GLCE: variants seen among roughly 807,000 people sequenced by gnomAD.
The protein encoded by GLCE is D-glucuronyl C5-epimerase.
In GLCE, 19 loss-of-function variants were observed where a neutral mutation model predicts 47.9. The observed-to-expected ratio is 0.40, with a 90% CI of 0.28 to 0.58. GLCE has a LOEUF of 0.58. GLCE is among the 20% of genes least tolerant of loss of function. The pLI is 0.48. For synonymous variants in GLCE, 245 were observed against 263.4 expected (o/e 0.93, Z 0.68); for missense variants, 556 against 743.3 (o/e 0.75, Z 2.93).
chr15:69,177,310 G>T (rs972013716), intron 1 of GLCE, among the ~76,000 whole-genome samples: 2 of 152,102 alleles, frequency 1.3e-5, no homozygotes, highest in Non-Finnish European at 2.9e-5. Flanking sequence ...TGATCCATCT[G>T]CCTTGGTCTC....
chr15:69,189,328 T>C (rs1049590061), intron 1 of GLCE, among the ~76,000 whole-genome samples: 2 of 152,196 alleles, frequency 1.3e-5, no homozygotes, highest in Non-Finnish European at 2.9e-5. Context: ...CGTAGTAATA[T>C]ATACGTTTAA....
intron 1 of GLCE, among the ~76,000 whole-genome samples, chr15:69,201,112 C>CA: frequency 6.6e-6 from 1 of 152,244 alleles, no homozygotes; most frequent in Middle Eastern, 3.4e-3. Flanking sequence ...TTCTGTCTTC[C>CA]TCTTCCACTT....
At chr15:69,178,268 G>A (rs1024477474) in intron 1 of GLCE, among the ~76,000 whole-genome samples, 1 of 152,090 alleles carries the variant, frequency 6.6e-6, no homozygotes, top group Non-Finnish European at 1.5e-5. Flanking sequence ...GACAAAACCA[G>A]GTAGCTAATA....
At chr15:69,206,894 C>A (rs1278216397) in intron 1 of GLCE, among the ~76,000 whole-genome samples, 1 of 151,948 alleles carries the variant, frequency 6.6e-6, no homozygotes, top group African/African-American at 2.4e-5. Flanking sequence ...GTATATTAAT[C>A]ATGTATTTAT....
At chr15:69,267,443 G>A (rs1424812327) in intron 4 of GLCE, among the ~76,000 whole-genome samples, 1 of 152,206 alleles carries the variant, frequency 6.6e-6, no homozygotes, top group East Asian at 1.9e-4. Flanking sequence ...TCCAAAGCCT[G>A]AGCTTTACCC....
At chr15:69,167,823 GT>G (rs79073362) in intron 1 of GLCE, among the ~76,000 whole-genome samples, 2,834 of 135,540 alleles carry the variant, frequency 0.021, 25 homozygotes, top group African/African-American at 0.038. Flanking sequence ...CTTGGGAAAA[GT>G]TTTTTTTTTT....
chr15:69,209,205 A>G (rs1437442857), intron 1 of GLCE, among the ~76,000 whole-genome samples: 1 of 152,038 alleles, frequency 6.6e-6, no homozygotes, highest in Non-Finnish European at 1.5e-5. Context: ...GCATTCTGTA[A>G]TAATGGCTCT....
intron 1 of GLCE, among the ~76,000 whole-genome samples, chr15:69,170,999 G>A (rs560528490): frequency 6.6e-6 from 1 of 152,258 alleles, no homozygotes; most frequent in South Asian, 2.1e-4. Flanking sequence ...AGCATTTTAG[G>A]ATTCATTTGC....
intron 1 of GLCE, among the ~76,000 whole-genome samples, chr15:69,174,431 G>A (rs979414765): frequency 1.3e-5 from 2 of 152,052 alleles, no homozygotes; most frequent in African/African-American, 4.8e-5. Context: ...CCTACATGGT[G>A]AAACCCCGTC....
At position 69,269,064 on chromosome 15, in the gene GLCE, C is replaced by T. The variant is rs753700982; in HGVS notation, c.1674C>T (p.Thr558=). The stretch of plus-strand genomic sequence containing the variant: ...CCTTGTATGACACTGGCTCAGGAAC[C>T]ATCTATGACCTCCGTCACTTCATGC... ...MLPLYDTGSG[T]IYDLRHFMLG... The change falls in exon 5 of 5, where the codon ACC becomes ACT. Residue 558 remains threonine (T), a synonymous_variant. Transcript: ENST00000261858. 6.2e-7 allele frequency: 1 copy of T among 1,614,176 alleles called. No individual in the cohort carries two copies. Among genetic ancestry groups the T allele is most frequent in the Non-Finnish European group, 8.5e-7 (1 of 1,180,034 alleles).
intron 1 of GLCE, among the ~76,000 whole-genome samples, chr15:69,204,872 C>A (rs2052128980): frequency 6.6e-6 from 1 of 152,058 alleles, no homozygotes; most frequent in South Asian, 2.1e-4. Context: ...CATGTCACGA[C>A]TGAGCTATTT....
chr15:69,186,927 T>G (rs1242520106), intron 1 of GLCE, among the ~76,000 whole-genome samples: 2 of 152,198 alleles, frequency 1.3e-5, no homozygotes, highest in Non-Finnish European at 2.9e-5. Flanking sequence ...GGTTTCACAT[T>G]GGGTGAAGTT....
intron 1 of GLCE, among the ~76,000 whole-genome samples, chr15:69,181,591 A>T (rs1486806192): frequency 6.6e-6 from 1 of 152,194 alleles, no homozygotes; most frequent in Non-Finnish European, 1.5e-5. Flanking sequence ...TGAATTGGTC[A>T]TTCTAGTTTG....
intron 1 of GLCE, among the ~76,000 whole-genome samples, chr15:69,183,333 T>C (rs1386428090): frequency 6.6e-6 from 1 of 152,152 alleles, no homozygotes. Context: ...AGATTTCAGT[T>C]TGGATGTTTT....
At chr15:69,248,738 C>A (rs1239811242) in intron 2 of GLCE, among the ~76,000 whole-genome samples, 2 of 152,026 alleles carry the variant, frequency 1.3e-5, no homozygotes, top group Admixed American at 6.6e-5. Context: ...GTAGCTGGGA[C>A]AACAGGTGCG....
chr15:69,182,122 GC>G (rs1391912182), intron 1 of GLCE, among the ~76,000 whole-genome samples: 2 of 151,146 alleles, frequency 1.3e-5, no homozygotes, highest in South Asian at 4.2e-4. Context: ...AGATTGAGGA[GC>G]AAAAAGTTGA....
chr15:69,199,580 GTTAGATA>G (rs1388154586), intron 1 of GLCE, among the ~76,000 whole-genome samples: 2 of 152,128 alleles, frequency 1.3e-5, no homozygotes, highest in Non-Finnish European at 2.9e-5. Flanking sequence ...CTTATAAAAT[GTTAGATA>G]TTAGAAATAA....
intron 1 of GLCE, among the ~76,000 whole-genome samples, chr15:69,201,704 CT>C (rs1335725460): frequency 6.6e-6 from 1 of 150,600 alleles, no homozygotes; most frequent in Non-Finnish European, 1.5e-5. Flanking sequence ...ATTTATCTCT[CT>C]TTTTTTCTAT....
chr15:69,246,641 G>A (rs981512900), intron 2 of GLCE, among the ~76,000 whole-genome samples: 22 of 151,736 alleles, frequency 1.4e-4, no homozygotes, highest in African/African-American at 4.6e-4. Flanking sequence ...GCTTGAATCC[G>A]GGAGGCAGAG....
Sources: allele counts gnomAD v4.1 joint callset (sites outside exome capture counted in the v4.1 genomes callset), GRCh38; gene constraint gnomAD v4.1.1; transcripts MANE v1.5; gene names NCBI Gene and HGNC (gene_info 2026-07-23, HGNC 2026-07-21).